The following MCF2 variants were observed in gnomAD, a reference collection of about 807,000 sequenced individuals.
MCF2 encodes the protein MCF.2 cell line derived transforming sequence.
MCF2 carries 44 observed loss-of-function variants against 82.5 expected under a neutral mutation model. The observed-to-expected ratio is 0.53, with a 90% confidence interval of 0.42 to 0.69. The LOEUF (loss-of-function observed/expected upper bound fraction) is 0.69, where lower values mean the gene tolerates loss of function less well. MCF2 is among the 30% of genes least tolerant of loss of function. MCF2 has a pLI of 0.00. For missense variants in MCF2, 623 were observed against 663.1 expected, an observed-to-expected ratio of 0.94 and a Z score of 0.66; for synonymous variants, 217 against 224.9, an observed-to-expected ratio of 0.96 and a Z score of 0.32.
At chrX:139,695,742 T>A (rs920349338) in intron 1 of MCF2, among the ~76,000 whole-genome samples, 1 of 112,339 alleles carries the variant, frequency 8.9e-6, no homozygotes, top group Non-Finnish European at 1.9e-5. Context: ...CTGATTCTTA[T>A]CATGTGTTGC....
chrX:139,597,397 G>T, intron 18 of MCF2, 63 bp downstream of exon 22: 1 of 884,613 alleles, frequency 1.1e-6, no homozygotes, highest in Non-Finnish European at 1.6e-6. Flanking sequence ...GGTTCCAGGA[G>T]GGGAAAAGGG....
At chrX:139,666,898 C>CT (rs1276171978) in intron 1 of MCF2, among the ~76,000 whole-genome samples, 1 of 111,640 alleles carries the variant, frequency 9.0e-6, no homozygotes, top group African/African-American at 3.3e-5. Context: ...ATTGCTTGCT[C>CT]TTTTTTTATC....
chrX:139,661,268 A>T (rs1262585500), intron 1 of MCF2, among the ~76,000 whole-genome samples: 1 of 111,822 alleles, frequency 8.9e-6, no homozygotes, highest in African/African-American at 3.2e-5. Flanking sequence ...AGTTAAAGCT[A>T]GAAAGCAAGA....
intron 11 of MCF2, 80 bp from the exon 16 acceptor site, chrX:139,607,859 T>C: frequency 1.6e-6 from 1 of 618,620 alleles, no homozygotes; most frequent in Non-Finnish European, 2.6e-6. Flanking sequence ...TCAAATTAAG[T>C]TTATTCTAGG....
At chrX:139,684,071 CA>C (rs1935065851) in intron 1 of MCF2, among the ~76,000 whole-genome samples, 1 of 112,445 alleles carries the variant, frequency 8.9e-6, no homozygotes, top group South Asian at 3.7e-4. Context: ...AATATTTGCA[CA>C]TTAAATGTCT....
chrX:139,667,662 G>C (rs1426158893), intron 1 of MCF2, among the ~76,000 whole-genome samples: 3 of 111,957 alleles, frequency 2.7e-5, no homozygotes, highest in Non-Finnish European at 3.8e-5. Flanking sequence ...GGTGAGAGCA[G>C]GCACTGCTTG....
At chrX:139,617,010 G>A (rs1931964084) in intron 8 of MCF2, among the ~76,000 whole-genome samples, 1 of 111,156 alleles carries the variant, frequency 9.0e-6, no homozygotes, top group African/African-American at 3.3e-5. Context: ...AGGTCCATAC[G>A]GTGACCTGTC....
chrX:139,615,163 A>G (rs1306313865), intron 9 of MCF2, 111 bp from the exon 13 acceptor site: 15 of 568,380 alleles, frequency 2.6e-5, no homozygotes, highest in Non-Finnish European at 4.3e-5. Context: ...AGTTTAAAAT[A>G]TAACTACAAG....
rs1182871863 is a variant in MCF2 at position 139,626,400 on chromosome X, C to A, written c.573-93G>T. 3 of 606,135 alleles carry A rather than the reference C, an allele frequency of 4.9e-6. No homozygotes were observed. The Admixed American group carries it at 9.3e-5, about 19-fold the overall frequency. 50.0% of individuals were successfully genotyped at this position (606,135 alleles called of 1,213,427 possible). A position where few individuals can be genotyped will look rare whatever the true frequency, so the allele number is the denominator to read the frequency against. On this transcript the variant is annotated intron_variant, in intron 5 of 24. Coordinates refer to ENST00000370576, the Ensembl canonical transcript of MCF2. ...TGGTCTGGACATTAAGAATTATAGG[C>A]AAAGTCATAGCCCATGACACTTGGT...
chrX:139,603,651 C>T (rs1010915585), intron 15 of MCF2, among the ~76,000 whole-genome samples: 25 of 110,973 alleles, frequency 2.3e-4, no homozygotes, highest in South Asian at 1.2e-3. Flanking sequence ...CTCGCTAACA[C>T]GGTGAAACCC....
At chrX:139,696,936 A>T (rs1935396785) in intron 1 of MCF2, among the ~76,000 whole-genome samples, 1 of 112,318 alleles carries the variant, frequency 8.9e-6, no homozygotes, top group Non-Finnish European at 1.9e-5. Context: ...AAAGGACTAT[A>T]TCAAGTTTCA....
chrX:139,642,356 C>T (rs1356829751), intron 1 of MCF2: 7 of 998,589 alleles, frequency 7.0e-6, no homozygotes, highest in Non-Finnish European at 1.0e-5. Context: ...TCCATTCTCT[C>T]CATCTGTCCT....
At chrX:139,656,049 T>G (rs1293008246) in intron 1 of MCF2, among the ~76,000 whole-genome samples, 1 of 112,104 alleles carries the variant, frequency 8.9e-6, no homozygotes, top group East Asian at 2.8e-4. Flanking sequence ...TGTTTTTTTT[T>G]GTTTGTTTGT....
intron 17 of MCF2, among the ~76,000 whole-genome samples, chrX:139,598,174 T>G (rs956637953): frequency 8.9e-6 from 1 of 112,003 alleles, no homozygotes; most frequent in African/African-American, 3.2e-5. Flanking sequence ...ACAACTTGTA[T>G]GAAAAATTAA....
At chrX:139,673,237 T>C (rs1294816346) in intron 1 of MCF2, among the ~76,000 whole-genome samples, 2 of 111,693 alleles carry the variant, frequency 1.8e-5, no homozygotes, top group Non-Finnish European at 3.8e-5. Context: ...TAGCAGTCTA[T>C]CAATTTTGTC....
chrX:139,687,948 C>T (rs1443757129), intron 1 of MCF2, among the ~76,000 whole-genome samples: 1 of 112,022 alleles, frequency 8.9e-6, no homozygotes, highest in Non-Finnish European at 1.9e-5. Flanking sequence ...ACTTTTCACA[C>T]AGTTCGAACA....
Position 139,621,346 on chromosome X carries a change from G to A in MCF2, c.688-1640C>T, listed in dbSNP as rs145358562. Among the ~76,000 whole-genome samples, 19 of 111,659 alleles carry A rather than the reference G, an allele frequency of 1.7e-4. No homozygotes were observed. In the East Asian group the frequency reaches 2.3e-3, roughly 13 times the overall value. The stretch of plus-strand genomic sequence containing the variant: ...TTTCAACAAATACAAAAATTGATAC[G>A]TGGGACCTAATTAAACTAAAGAGCT... On this transcript the variant is annotated intron_variant, in intron 6 of 24. Coordinates refer to ENST00000370576, the Ensembl canonical transcript of MCF2.
intron 1 of MCF2, among the ~76,000 whole-genome samples, chrX:139,677,752 T>C (rs1048393901): frequency 8.9e-6 from 1 of 112,311 alleles, no homozygotes; most frequent in Non-Finnish European, 1.9e-5. Context: ...AATCTAAACA[T>C]TGAACGTCTA....
intron 6 of MCF2, among the ~76,000 whole-genome samples, chrX:139,619,963 T>C (rs1362661913): frequency 1.9e-5 from 2 of 107,598 alleles, no homozygotes; most frequent in African/African-American, 6.8e-5. Context: ...TGCATAAATG[T>C]ATACGTGTGA....
Sources: gnomAD v4.1 joint callset for allele counts (sites outside exome capture counted in the v4.1 genomes callset) on GRCh38, gnomAD v4.1.1 for gene constraint, MANE v1.5 for transcripts, NCBI Gene and HGNC (gene_info 2026-07-23, HGNC 2026-07-21) for gene names.